OTOGL: variants seen among roughly 807,000 people sequenced by gnomAD.
OTOGL encodes the protein otogelin like.
In OTOGL, 285 loss-of-function variants were observed where a neutral mutation model predicts 318.5. The ratio of observed to expected loss-of-function variants is 0.89; its 90% CI spans 0.81 to 0.99. The LOEUF (loss-of-function observed/expected upper bound fraction) is 0.99. Among genes scored for constraint, OTOGL ranks in the 50% least tolerant of loss-of-function variants. OTOGL has a pLI of 0.00. For synonymous variants in OTOGL, 987 were observed against 936.5 expected, an observed-to-expected ratio of 1.05 and a Z score of -0.99; for missense variants, 2,899 against 2,845.6, an observed-to-expected ratio of 1.02 and a Z score of -0.43.
intron 30 of OTOGL, 65 bp downstream of exon 30, chr12:80,310,792 T>G: frequency 7.9e-7 from 1 of 1,272,976 alleles, no homozygotes; most frequent in Non-Finnish European, 1.1e-6. Flanking sequence ...AATACTGAGG[T>G]GAACACGACA....
intron 57 of OTOGL, among the ~76,000 whole-genome samples, chr12:80,376,273 T>G (rs1312180307): frequency 3.3e-5 from 5 of 152,152 alleles, no homozygotes; most frequent in African/African-American, 1.2e-4. Context: ...TGAGATTGTT[T>G]TAAATTAGGA....
chr12:80,257,728 T>C, intron 17 of OTOGL, 97 bp from the exon 18 acceptor site: 1 of 1,155,948 alleles, frequency 8.7e-7, no homozygotes, highest in Non-Finnish European at 1.2e-6. Context: ...CCTCCTTCCC[T>C]GGTATCTGGG....
chr12:80,259,175 TTA>T (rs1882314785), intron 18 of OTOGL, among the ~76,000 whole-genome samples: 1 of 150,596 alleles, frequency 6.6e-6, no homozygotes, highest in South Asian at 2.1e-4. Context: ...AAATCAACTA[TTA>T]TATATAAAAA....
chr12:80,145,174 GT>G (rs1409043816), intron 1 of OTOGL, among the ~76,000 whole-genome samples: 1 of 150,860 alleles, frequency 6.6e-6, no homozygotes, highest in Non-Finnish European at 1.5e-5. Flanking sequence ...TTCTTCTAGG[GT>G]TTTTATGGTT....
At chr12:80,300,994 A>G (rs1223900956) in intron 27 of OTOGL, among the ~76,000 whole-genome samples, 2 of 152,236 alleles carry the variant, frequency 1.3e-5, no homozygotes, top group African/African-American at 4.8e-5. Context: ...ACCTGTTTTA[A>G]GTATGACCTT....
At chr12:80,210,989 T>C in intron 3 of OTOGL, 103 bp downstream of exon 3, 1 of 735,116 alleles carries the variant, frequency 1.4e-6, no homozygotes, top group Non-Finnish European at 1.9e-6. Flanking sequence ...ATAAGTGAAA[T>C]GTTTTACAAA....
intron 1 of OTOGL, among the ~76,000 whole-genome samples, chr12:80,206,762 C>T (rs10862079): frequency 0.35 from 53,153 of 151,186 alleles, 11,260 homozygotes; most frequent in Non-Finnish European, 0.48. Context: ...CTGAAGTGCT[C>T]CCTCCCAAAG....
At position 80,345,354 on chromosome 12, in the gene OTOGL, G is replaced by A. The variant is rs745647742; in HGVS notation, c.5265+3192G>A. Among the ~76,000 whole-genome samples the A allele has an allele frequency of 2.7e-5, 4 of 150,824 alleles. No homozygotes were observed. In the Admixed American group the frequency reaches 2.7e-4, roughly 10 times the overall value. ...AGATTCAAGTGATTCTCCTGCCTCA[G>A]CCTCCTGAGTAGCTGGGATTACAGG... On this transcript the variant is annotated intron_variant, in intron 44 of 58. Transcript: ENST00000547103.
chr12:80,319,167 C>T (rs1887167800), intron 33 of OTOGL, among the ~76,000 whole-genome samples: 1 of 152,128 alleles, frequency 6.6e-6, no homozygotes, highest in Non-Finnish European at 1.5e-5. Flanking sequence ...TTATCCTTAC[C>T]TGCCTTGTCT....
At chr12:80,247,675 T>G in intron 11 of OTOGL, among the ~76,000 whole-genome samples, 1 of 26,148 alleles carries the variant, frequency 3.8e-5, no homozygotes, top group Admixed American at 4.4e-4. Context: ...AGATGTCTAT[T>G]AGGTCTGCTT....
chr12:80,271,895 C>G, intron 24 of OTOGL, 85 bp downstream of exon 24: 1 of 1,447,020 alleles, frequency 6.9e-7, no homozygotes, highest in Non-Finnish European at 9.4e-7. Flanking sequence ...TAGAAATAGC[C>G]AGAATTGTTG....
intron 4 of OTOGL, among the ~76,000 whole-genome samples, chr12:80,212,592 C>T (rs531380880): frequency 2.0e-5 from 3 of 152,102 alleles, no homozygotes; most frequent in East Asian, 1.9e-4. Context: ...TTGGAATGCT[C>T]AAATGGATGG....
At position 80,270,060 on chromosome 12, in the gene OTOGL, A is replaced by G. The variant is rs776511754; in HGVS notation, c.2466-42A>G. 4.9e-6 allele frequency: 7 copies of G among 1,440,290 alleles called. 1 individual carries two copies. The highest frequency in any genetic ancestry group is 1.8e-4 in the Middle Eastern group (1 of 5,620). The allele number at this position is 1,440,290 out of a possible 1,614,324, so 89.2% of individuals were successfully genotyped here. A position where few individuals can be genotyped will look rare whatever the true frequency, so the allele number is the denominator to read the frequency against. ...GAAATTCAGGGAAAAAAAAAAAAAC[A>G]ACAGATTTGGTTCCATAAATTAACT... On this transcript the variant is annotated intron_variant, in intron 22 of 58. Coordinates refer to ENST00000547103, the MANE Select transcript of OTOGL (RefSeq NM_001378609.3).
chr12:80,321,860 C>T (rs1365947994), intron 34 of OTOGL, among the ~76,000 whole-genome samples: 1 of 152,148 alleles, frequency 6.6e-6, no homozygotes, highest in East Asian at 1.9e-4. Context: ...CAGCAAGAAT[C>T]AACAGAAGCC....
At chr12:80,208,329 A>G in intron 1 of OTOGL, 1 of 439,436 alleles carries the variant, frequency 2.3e-6, no homozygotes, top group Non-Finnish European at 4.5e-6. Flanking sequence ...AGAATACTTA[A>G]TAGAAAAGAC....
At chr12:80,166,858 G>A (rs1441747931) in intron 1 of OTOGL, among the ~76,000 whole-genome samples, 1 of 152,098 alleles carries the variant, frequency 6.6e-6, no homozygotes, top group Non-Finnish European at 1.5e-5. Context: ...ACGAATTGGA[G>A]ACTTATGGCA....
At chr12:80,199,976 C>T (rs546909872) in intron 1 of OTOGL, among the ~76,000 whole-genome samples, 3 of 152,280 alleles carry the variant, frequency 2.0e-5, no homozygotes, top group South Asian at 2.1e-4. Flanking sequence ...TCCCATTACA[C>T]TTCACCCCAT....
At chr12:80,324,010 T>A (rs771318251) in intron 35 of OTOGL, among the ~76,000 whole-genome samples, 170 bp downstream of exon 35, 1 of 152,218 alleles carries the variant, frequency 6.6e-6, no homozygotes, top group Non-Finnish European at 1.5e-5. Context: ...GAGCCTACTA[T>A]GTGGCAGGCA....
rs1295220164 is a variant in OTOGL at position 80,212,142 on chromosome 12, C to G, written c.168+145C>G. 4 of 765,250 alleles carry G rather than the reference C, an allele frequency of 5.2e-6. No homozygotes were observed. In the African/African-American group the frequency reaches 7.1e-5, roughly 14 times the overall value. 47.4% of individuals were successfully genotyped at this position (765,250 alleles called of 1,614,324 possible). A position where few individuals can be genotyped will look rare whatever the true frequency, so the allele number is the denominator to read the frequency against. On this transcript the variant is annotated intron_variant, in intron 4 of 58. Coordinates refer to ENST00000547103, the MANE Select transcript of OTOGL (RefSeq NM_001378609.3). ...GAAGGAGGAGGAAGAAGCAAAGTAA[C>G]CTCTATTGCTTTTCTACGACCATCG... is the stretch of plus-strand genomic sequence containing the variant.
Sources: gnomAD v4.1 joint callset for allele counts (sites outside exome capture counted in the v4.1 genomes callset) on GRCh38, gnomAD v4.1.1 for gene constraint, MANE v1.5 for transcripts, NCBI Gene and HGNC (gene_info 2026-07-23, HGNC 2026-07-21) for gene names.